CACNA1A: variants seen among roughly 807,000 people sequenced by gnomAD.
CACNA1A encodes calcium voltage-gated channel subunit alpha1 A.
A neutral mutation model predicts 262.4 loss-of-function variants in CACNA1A; 57 were observed. That is an observed-to-expected ratio of 0.22 (90% CI 0.18 to 0.27). The LOEUF is 0.27. Among genes scored for constraint, CACNA1A ranks in the 10% least tolerant of loss-of-function variants. The pLI is 1.00. For synonymous variants in CACNA1A, 1,431 were observed against 1,419.3 expected (o/e 1.01, Z -0.18); for missense variants, 2,526 against 3,562.8 (o/e 0.71, Z 7.41).
At chr19:13,437,559 C>T (rs1156392920) in intron 3 of CACNA1A, among the ~76,000 whole-genome samples, 4 of 151,896 alleles carry the variant, frequency 2.6e-5, no homozygotes, top group South Asian at 2.1e-4. Context: ...GGTATGGTGG[C>T]GTGCTCCTGT....
chr19:13,402,871 CACATATATATATATATATATATAT>C lies in CACNA1A; in HGVS notation c.540-31116_540-31093del, dbSNP rs1398668878. Among the ~76,000 whole-genome samples the C allele has an allele frequency of 5.2e-3, 335 of 64,186 alleles. 5 individuals carry two copies. The highest frequency in any genetic ancestry group is 0.024 in the African/African-American group (271 of 11,296). 42.1% of individuals were successfully genotyped at this position (64,186 alleles called of 152,430 possible). ...ACATATATATATACACACACACACA[CACATATATATATATATATATATAT>C]ATATATATATATATATATATACTTG... On this transcript the variant is annotated intron_variant, in intron 3 of 46. Coordinates refer to ENST00000360228, the MANE Select transcript of CACNA1A (RefSeq NM_001127222.2).
chr19:13,470,604 G>C (rs1028346273), intron 1 of CACNA1A, among the ~76,000 whole-genome samples: 3 of 152,064 alleles, frequency 2.0e-5, no homozygotes, highest in Non-Finnish European at 4.4e-5. Flanking sequence ...CCATTCTCTT[G>C]TTGCCCTTTC....
chr19:13,371,811 G>A, intron 3 of CACNA1A, 32 bp from the exon 4 acceptor site: 1 of 1,512,894 alleles, frequency 6.6e-7, no homozygotes, highest in South Asian at 1.2e-5. Flanking sequence ...GGAGAACAGA[G>A]GGTGGGTTTT....
In CACNA1A at chr19:13,214,029, G is replaced by A; in HGVS notation, c.5940+204C>T. On this transcript the variant is annotated intron_variant, in intron 40 of 46. Transcript: ENST00000360228. This position sits in a 1 kb window ranked among gnomAD's most constrained non-coding sequence, Gnocchi z 4.1. The stretch of plus-strand genomic sequence containing the variant: ...GATGGAGTCTCACTGTGTTGCCCAG[G>A]GTGGTCTCATCCTGGTCTCAAACGA... The A allele has an allele frequency of 1.7e-6, 1 of 572,360 alleles. No homozygotes were observed. The highest frequency in any genetic ancestry group is 2.9e-5 in the East Asian group (1 of 34,264). The allele number at this position is 572,360 out of a possible 1,614,324, so 35.5% of individuals were successfully genotyped here.
chr19:13,452,751 C>A lies in CACNA1A; in HGVS notation c.539+125G>T. 8 of 792,112 alleles carry A rather than the reference C, an allele frequency of 1.0e-5. 1 individual carries two copies. In the South Asian group the frequency reaches 1.5e-4, roughly 15 times the overall value. 49.1% of individuals were successfully genotyped at this position (792,112 alleles called of 1,614,324 possible). A position where few individuals can be genotyped will look rare whatever the true frequency, so the allele number is the denominator to read the frequency against. ...GGGGTGTTGGCAGAAAGGAGGCAGG[C>A]GCATAACAAGGGGAGGGAGAACACA... On this transcript the variant is annotated intron_variant, in intron 3 of 46. Transcript: ENST00000360228.
intron 24 of CACNA1A, among the ~76,000 whole-genome samples, chr19:13,268,086 A>C (rs117898826): frequency 0.012 from 1,754 of 152,138 alleles, 20 homozygotes; most frequent in Non-Finnish European, 0.017. Context: ...CTTAAAACAA[A>C]CAACCAACCA....
intron 6 of CACNA1A, among the ~76,000 whole-genome samples, chr19:13,337,183 C>T (rs979072024): frequency 5.9e-5 from 9 of 152,194 alleles, no homozygotes; most frequent in African/African-American, 2.2e-4. Flanking sequence ...AACAAGGAAC[C>T]ACAACCTAGG....
intron 31 of CACNA1A, chr19:13,244,819 T>C (rs12611029): frequency 0.35 from 80,678 of 227,792 alleles, 15,210 homozygotes; most frequent in Non-Finnish European, 0.38. Context: ...AAACCCATTC[T>C]TTCTGGGCTC....
rs751530649 is a variant in CACNA1A, at chr19:13,318,890, C to CTTTTTTTTTTTTTTTTTTTTTTTTTT, written c.1346-1570_1346-1569insAAAAAAAAAAAAAAAAAAAAAAAAAA. Among the ~76,000 whole-genome samples the CTTTTTTTTTTTTTTTTTTTTTTTTTT allele has an allele frequency of 5.1e-4, 59 of 114,664 alleles. 4 individuals carry two copies. Among genetic ancestry groups the CTTTTTTTTTTTTTTTTTTTTTTTTTT allele is most frequent in the African/African-American group, 7.4e-4 (20 of 27,088 alleles). 75.2% of individuals were successfully genotyped at this position (114,664 alleles called of 152,430 possible). ...ATTGAATTTACCTTCTAAAATACAT[C>CTTTTTTTTTTTTTTTTTTTTTTTTTT]TTTTTTTTTTTTTTTTGAGACAGGA... On this transcript the variant is annotated intron_variant, in intron 10 of 46. Coordinates refer to ENST00000360228, the MANE Select transcript of CACNA1A (RefSeq NM_001127222.2).
chr19:13,283,487 TG>T, intron 21 of CACNA1A, 91 bp from the exon 22 acceptor site: 1 of 1,522,168 alleles, frequency 6.6e-7, no homozygotes, highest in Non-Finnish European at 9.0e-7. Flanking sequence ...CTACCACTAC[TG>T]AGATCTCCAA....
At chr19:13,471,151 T>C (rs1010040339) in intron 1 of CACNA1A, among the ~76,000 whole-genome samples, 7 of 152,182 alleles carry the variant, frequency 4.6e-5, no homozygotes, top group Admixed American at 3.3e-4. Context: ...GCACTTACCA[T>C]GGAATCTCGA....
At chr19:13,391,763 G>A (rs1008344138) in intron 3 of CACNA1A, among the ~76,000 whole-genome samples, 5 of 152,218 alleles carry the variant, frequency 3.3e-5, no homozygotes, top group East Asian at 3.9e-4. Context: ...ATGGCCGGGC[G>A]TGCTGGCTCA....
At chr19:13,386,527 G>A (rs1212614665) in intron 3 of CACNA1A, among the ~76,000 whole-genome samples, 1 of 152,114 alleles carries the variant, frequency 6.6e-6, no homozygotes, top group African/African-American at 2.4e-5. Context: ...AGTGGCTCAC[G>A]CCTGTAATCC....
At chr19:13,398,637 T>C (rs11883192) in intron 3 of CACNA1A, among the ~76,000 whole-genome samples, 8,264 of 152,288 alleles carry the variant, frequency 0.054, 526 homozygotes, top group African/African-American at 0.15. Context: ...GGGTTGGGTT[T>C]ATATCCTGCC....
chr19:13,237,039 G>A (rs2055900815), intron 31 of CACNA1A, among the ~76,000 whole-genome samples: 1 of 152,018 alleles, frequency 6.6e-6, no homozygotes, highest in East Asian at 1.9e-4. Context: ...AAGAGATTTT[G>A]CCCACCAATC....
At chr19:13,415,298 C>T (rs966204858) in intron 3 of CACNA1A, among the ~76,000 whole-genome samples, 6 of 151,914 alleles carry the variant, frequency 3.9e-5, no homozygotes, top group African/African-American at 1.2e-4. Context: ...AGACGCAATC[C>T]CTGCATATTT....
At chr19:13,293,791 C>A (rs1237217545) in intron 19 of CACNA1A, among the ~76,000 whole-genome samples, 1 of 149,402 alleles carries the variant, frequency 6.7e-6, no homozygotes, top group Non-Finnish European at 1.5e-5. Flanking sequence ...GAGGTAGCTA[C>A]TATTCTTATC....
chr19:13,325,024 T>C (rs1231703062), intron 10 of CACNA1A, among the ~76,000 whole-genome samples: 4 of 132,132 alleles, frequency 3.0e-5, no homozygotes, highest in African/African-American at 1.1e-4. Flanking sequence ...TTCTTCTTCG[T>C]CTTCTTCTTC....
intron 11 of CACNA1A, chr19:13,316,504 A>C (rs1185218460): frequency 6.6e-6 from 1 of 151,062 alleles, no homozygotes; most frequent in Admixed American, 6.6e-5. Context: ...AAGGAAGCCA[A>C]AAAGGGCAGG....
Sources: gnomAD v4.1 joint callset for allele counts (sites outside exome capture counted in the v4.1 genomes callset) on GRCh38, gnomAD v4.1.1 for gene constraint, Gnocchi (gnomAD v3.1) non-coding constraint, MANE v1.5 for transcripts, NCBI Gene and HGNC (gene_info 2026-07-23, HGNC 2026-07-21) for gene names.